Variants in ARGLU1 observed in about 807,000 individuals in gnomAD.
The protein encoded by ARGLU1 is arginine and glutamate-rich protein 1.
ARGLU1 carries 9 observed loss-of-function variants against 37.6 expected under a neutral mutation model. The ratio of observed to expected loss-of-function variants is 0.24; its 90% CI spans 0.14 to 0.42. The LOEUF is 0.42. Among genes scored for constraint, ARGLU1 ranks in the 10% least tolerant of loss-of-function variants. The probability of loss-of-function intolerance (pLI) is 1.00; values close to 1 mark genes in which losing one functional copy is unlikely to be tolerated. For synonymous variants in ARGLU1, 166 were observed against 138.5 expected (o/e 1.20, Z -1.39); for missense variants, 211 against 359.2 (o/e 0.59, Z 3.34).
At chr13:106,564,199 T>C (rs200534210) in intron 1 of ARGLU1, among the ~76,000 whole-genome samples, 1 of 152,220 alleles carries the variant, frequency 6.6e-6, no homozygotes, top group Non-Finnish European at 1.5e-5. Context: ...AGCATTAAGA[T>C]GACAACTCAT....
chr13:106,553,043 CA>C (rs1332407382), intron 3 of ARGLU1, among the ~76,000 whole-genome samples: 1 of 152,022 alleles, frequency 6.6e-6, no homozygotes, highest in African/African-American at 2.4e-5. Flanking sequence ...ACTTGTGTCA[CA>C]AAAGGCTACT....
intron 1 of ARGLU1, among the ~76,000 whole-genome samples, chr13:106,564,906 A>T (rs1880918885): frequency 6.6e-6 from 1 of 152,194 alleles, no homozygotes; most frequent in Non-Finnish European, 1.5e-5. Context: ...TTACTGAAAC[A>T]TTTGGTAGAT....
At chr13:106,547,451 G>GA (rs1880421443) in intron 3 of ARGLU1, among the ~76,000 whole-genome samples, 1 of 151,880 alleles carries the variant, frequency 6.6e-6, no homozygotes, top group Admixed American at 6.6e-5. Context: ...AAAAGAATGT[G>GA]AAAAAAACCC....
At chr13:106,552,973 T>C (rs1880569988) in intron 3 of ARGLU1, among the ~76,000 whole-genome samples, 1 of 152,212 alleles carries the variant, frequency 6.6e-6, no homozygotes. Context: ...CACATATGGA[T>C]GAGCTCGTGT....
chr13:106,556,885 A>G (rs2096584910), intron 3 of ARGLU1, among the ~76,000 whole-genome samples, 163 bp downstream of exon 3: 1 of 152,152 alleles, frequency 6.6e-6, no homozygotes, highest in Admixed American at 6.6e-5. Flanking sequence ...TGGAAGGAAA[A>G]ATCTCAATTG....
chr13:106,546,077 G>A (rs1880382011), intron 3 of ARGLU1, among the ~76,000 whole-genome samples: 1 of 152,074 alleles, frequency 6.6e-6, no homozygotes, highest in Non-Finnish European at 1.5e-5. Flanking sequence ...TCCTTCTTCA[G>A]TCAAGTTTGT....
Position 106,567,936 on chromosome 13 carries a change from C to G in ARGLU1, c.-17G>C. ...CCGGCCCATCCTTCCGGGAGACGCT[C>G]TAACCGCTCGCCTCAGGCCCCTCAC... On this transcript the variant is annotated 5_prime_UTR_variant, in exon 1 of 4. Transcript: ENST00000400198. This position sits in a 1 kb window ranked among gnomAD's most constrained non-coding sequence, Gnocchi z 4.3. 6.3e-7 allele frequency: 1 copy of G among 1,598,312 alleles called. No homozygotes were observed. The highest frequency in any genetic ancestry group is 8.5e-7 in the Non-Finnish European group (1 of 1,177,450).
At chr13:106,565,625 A>T (rs1880940830) in intron 1 of ARGLU1, among the ~76,000 whole-genome samples, 1 of 152,216 alleles carries the variant, frequency 6.6e-6, no homozygotes, top group African/African-American at 2.4e-5. Flanking sequence ...GTAGACTGCA[A>T]ACTGTTTCCT....
intron 1 of ARGLU1, among the ~76,000 whole-genome samples, chr13:106,564,622 T>C (rs80114324): frequency 0.012 from 1,832 of 152,278 alleles, 34 homozygotes; most frequent in African/African-American, 0.041. Context: ...AATACAGGCA[T>C]GTCCTAAGGT....
intron 3 of ARGLU1, among the ~76,000 whole-genome samples, chr13:106,545,551 T>C (rs144119373): frequency 0.024 from 3,702 of 152,300 alleles, 66 homozygotes; most frequent in Non-Finnish European, 0.04. Flanking sequence ...ACTTCTTTTG[T>C]CTCCATTGAT....
In ARGLU1 at chr13:106,567,190, C is replaced by A. The variant is rs914776075; in HGVS notation, c.347+383G>T. 6.6e-6 allele frequency among the ~76,000 whole-genome samples: 1 copy of A among 152,072 alleles called. No homozygotes were observed. The highest frequency in any genetic ancestry group is 2.4e-5 in the African/African-American group (1 of 41,410). The stretch of plus-strand genomic sequence containing the variant: ...TCTCCTCCTCAAGCCGACCAGCAAA[C>A]GCTCACCACCCTCCACATCTGCAGG... On this transcript the variant is annotated intron_variant, in intron 1 of 3. Transcript: ENST00000400198. The surrounding 1 kb of genome is among the most constrained non-coding windows in gnomAD (Gnocchi z 4.3).
Position 106,568,099 on chromosome 13 carries a change from G to C in ARGLU1, c.-180C>G, listed in dbSNP as rs1881029980. Reference sequence around the variant, plus strand: ...CTGCCACGAAGGCCGCCTCCAACGAGAAACCCGTAGCGCCAGGCGCCCCTA... The same window carrying C: ...CTGCCACGAAGGCCGCCTCCAACGACAAACCCGTAGCGCCAGGCGCCCCTA... On this transcript the variant is annotated 5_prime_UTR_variant, in exon 1 of 4. Coordinates refer to ENST00000400198, the MANE Select transcript of ARGLU1 (RefSeq NM_018011.4). 2 of 961,170 alleles carry C rather than the reference G, an allele frequency of 2.1e-6. No homozygotes were observed. The highest frequency in any genetic ancestry group is 1.9e-5 in the South Asian group (1 of 51,320). The allele number at this position is 961,170 out of a possible 1,614,324, so 59.5% of individuals were successfully genotyped here.
intron 1 of ARGLU1, among the ~76,000 whole-genome samples, chr13:106,564,743 C>T (rs1880913305): frequency 6.6e-6 from 1 of 152,184 alleles, no homozygotes; most frequent in Non-Finnish European, 1.5e-5. Flanking sequence ...AGCTAGGCTT[C>T]AGTCTCACAT....
At chr13:106,566,585 T>G (rs1186661731) in intron 1 of ARGLU1, among the ~76,000 whole-genome samples, 1 of 152,176 alleles carries the variant, frequency 6.6e-6, no homozygotes, top group Non-Finnish European at 1.5e-5. Context: ...ACGATGATCA[T>G]AAAGCAAAAC....
At chr13:106,558,998 C>G (rs767346454) in intron 2 of ARGLU1, 53 of 985,382 alleles carry the variant, frequency 5.4e-5, no homozygotes, top group Non-Finnish European at 6.3e-5. Context: ...ATGTTAGGCC[C>G]TGCTCTTTTT....
chr13:106,548,603 T>C (rs1880454065), intron 3 of ARGLU1, among the ~76,000 whole-genome samples: 1 of 152,118 alleles, frequency 6.6e-6, no homozygotes, highest in Non-Finnish European at 1.5e-5. Context: ...ATTATGCCCA[T>C]AACCCTGTTC....
chr13:106,554,849 C>A (rs1317753733), intron 3 of ARGLU1, among the ~76,000 whole-genome samples: 1 of 150,594 alleles, frequency 6.6e-6, no homozygotes, highest in African/African-American at 2.5e-5. Flanking sequence ...TCCGCCACTG[C>A]ACTCCAGCCT....
At chr13:106,566,697 T>TTCGGAAACACA (rs369136358) in intron 1 of ARGLU1, among the ~76,000 whole-genome samples, 159 of 152,344 alleles carry the variant, frequency 1.0e-3, no homozygotes, top group African/African-American at 3.7e-3. Flanking sequence ...AGCTGACATT[T>TTCGGAAACACA]TCGGAAACAC....
In ARGLU1 at chr13:106,567,712, G is replaced by A; in HGVS notation, c.208C>T (p.Arg70Trp). 6.2e-7 allele frequency: 1 copy of A among 1,611,986 alleles called. No individual in the cohort carries two copies. Among genetic ancestry groups the A allele is most frequent in the Non-Finnish European group, 8.5e-7 (1 of 1,179,110 alleles). ...STNTAVSRRE[R>W]DRERASSPPD... ...GGGGACGAGGCGCGCTCCCGGTCCC[G>A]CTCGCGCCGGGACACGGCCGTGTTG... Residue 70 changes from arginine (R) to tryptophan (W), a missense_variant, in exon 1 of 4, where the codon CGG becomes TGG. Arg to Trp is a moderately radical substitution (Grantham distance 101, BLOSUM62 -3). Coordinates refer to ENST00000400198, the MANE Select transcript of ARGLU1 (RefSeq NM_018011.4). This position sits in a 1 kb window ranked among gnomAD's most constrained non-coding sequence, Gnocchi z 4.3.
Sources: gnomAD v4.1 joint callset for allele counts (sites outside exome capture counted in the v4.1 genomes callset) on GRCh38, gnomAD v4.1.1 for gene constraint, Gnocchi (gnomAD v3.1) non-coding constraint, MANE v1.5 for transcripts, NCBI Gene and HGNC (gene_info 2026-07-23, HGNC 2026-07-21) for gene names.